PTPRG: variants seen among roughly 807,000 people sequenced by gnomAD.
PTPRG encodes receptor-type tyrosine-protein phosphatase gamma.
In PTPRG, 102 loss-of-function variants were observed where a neutral mutation model predicts 165.3. The ratio of observed to expected loss-of-function variants is 0.62; its 90% confidence interval spans 0.53 to 0.73. The LOEUF is 0.73. PTPRG is among the 30% of genes least tolerant of loss of function. PTPRG has a pLI of 0.00. For synonymous variants in PTPRG, 675 were observed against 669.5 expected (o/e 1.01, Z -0.13); for missense variants, 1,866 against 1,861.4 (o/e 1.00, Z -0.05).
intron 8 of PTPRG, among the ~76,000 whole-genome samples, chr3:62,174,913 C>T (rs1055713168): frequency 2.0e-5 from 3 of 152,094 alleles, no homozygotes; most frequent in African/African-American, 4.8e-5. Context: ...TCATGCAGCC[C>T]CCATGGAGAG....
chr3:61,720,876 T>C (rs1056881880), intron 1 of PTPRG, among the ~76,000 whole-genome samples: 35 of 152,364 alleles, frequency 2.3e-4, no homozygotes, highest in Non-Finnish European at 4.0e-4. Context: ...CATTATAACT[T>C]AGACGATTAG....
At chr3:62,077,092 C>G (rs1181328996) in intron 4 of PTPRG, among the ~76,000 whole-genome samples, 1 of 151,946 alleles carries the variant, frequency 6.6e-6, no homozygotes, top group East Asian at 1.9e-4. Context: ...AAGGCAAAAC[C>G]CTGTCCTTAC....
intron 1 of PTPRG, among the ~76,000 whole-genome samples, chr3:61,593,280 T>C (rs537195522): frequency 6.6e-6 from 1 of 152,180 alleles, no homozygotes; most frequent in South Asian, 2.1e-4. Flanking sequence ...TTTGAAACCC[T>C]AAAGCAGTGT....
chr3:62,199,269 A>G (rs1700040633), intron 10 of PTPRG, among the ~76,000 whole-genome samples: 2 of 151,596 alleles, frequency 1.3e-5, no homozygotes, highest in South Asian at 4.2e-4. Context: ...TTGCTACCTT[A>G]TTTGACCTGG....
At chr3:61,716,968 T>C (rs1350624172) in intron 1 of PTPRG, among the ~76,000 whole-genome samples, 1 of 152,174 alleles carries the variant, frequency 6.6e-6, no homozygotes, top group East Asian at 1.9e-4. Flanking sequence ...TGAGACTCCA[T>C]GTCAACAAAA....
chr3:61,951,452 A>G (rs899219714), intron 2 of PTPRG, among the ~76,000 whole-genome samples: 11 of 152,166 alleles, frequency 7.2e-5, no homozygotes, highest in African/African-American at 2.7e-4. Flanking sequence ...CTTTGACTCA[A>G]TATTGTAGAT....
intron 3 of PTPRG, among the ~76,000 whole-genome samples, chr3:61,996,321 A>G (rs1032234162): frequency 6.6e-6 from 1 of 152,122 alleles, no homozygotes; most frequent in Non-Finnish European, 1.5e-5. Context: ...TTTATTTTTA[A>G]TTATAACGCT....
At chr3:62,288,629 C>T (rs1160825842) in intron 28 of PTPRG, among the ~76,000 whole-genome samples, 2 of 150,182 alleles carry the variant, frequency 1.3e-5, no homozygotes, top group African/African-American at 2.5e-5. Context: ...ACCAAGATTG[C>T]ACCATTGCAC....
At chr3:61,936,714 G>C (rs1370171047) in intron 2 of PTPRG, among the ~76,000 whole-genome samples, 1 of 152,160 alleles carries the variant, frequency 6.6e-6, no homozygotes, top group Non-Finnish European at 1.5e-5. Flanking sequence ...CACTGTGAGG[G>C]CTTTAGGTTA....
At chr3:61,890,088 G>C (rs1053821298) in intron 2 of PTPRG, among the ~76,000 whole-genome samples, 4 of 152,182 alleles carry the variant, frequency 2.6e-5, no homozygotes, top group Non-Finnish European at 5.9e-5. Context: ...CTTTTCTGCA[G>C]AGTATATGAG....
At chr3:62,092,439 G>GAAAAAAAAAAAAAA (rs55955359) in intron 5 of PTPRG, among the ~76,000 whole-genome samples, 16 of 89,432 alleles carry the variant, frequency 1.8e-4, no homozygotes, top group Non-Finnish European at 2.3e-4. Context: ...GAGTCCATCT[G>GAAAAAAAAAAAAAA]AAAAAAAAAA....
chr3:61,953,167 C>T (rs1488856542), intron 2 of PTPRG, among the ~76,000 whole-genome samples: 1 of 152,138 alleles, frequency 6.6e-6, no homozygotes, highest in Non-Finnish European at 1.5e-5. Flanking sequence ...CCTGCTTCAC[C>T]TGGTTGAATT....
intron 3 of PTPRG, among the ~76,000 whole-genome samples, chr3:62,001,672 A>G (rs976817671): frequency 2.0e-5 from 3 of 152,046 alleles, no homozygotes; most frequent in Admixed American, 6.6e-5. Context: ...GGGTCACACA[A>G]TGATAAGTTT....
intron 1 of PTPRG, among the ~76,000 whole-genome samples, chr3:61,703,505 C>G (rs1244022774): frequency 6.6e-6 from 1 of 152,176 alleles, no homozygotes; most frequent in Non-Finnish European, 1.5e-5. Flanking sequence ...AATGGTATTT[C>G]TAAGGCATTC....
At chr3:62,204,474 T>C (rs1422983569) in intron 12 of PTPRG, among the ~76,000 whole-genome samples, 1 of 151,956 alleles carries the variant, frequency 6.6e-6, no homozygotes, top group Non-Finnish European at 1.5e-5. Context: ...GCAAGCTAGA[T>C]GGTGGTTAGT....
intron 2 of PTPRG, among the ~76,000 whole-genome samples, chr3:61,759,779 TAAA>T (rs1176308228): frequency 6.6e-6 from 1 of 152,036 alleles, no homozygotes; most frequent in Non-Finnish European, 1.5e-5. Context: ...TTTCACATAA[TAAA>T]GTCATTTCTT....
intron 1 of PTPRG, among the ~76,000 whole-genome samples, chr3:61,566,677 T>C (rs1013575046): frequency 6.6e-6 from 1 of 152,186 alleles, no homozygotes; most frequent in Non-Finnish European, 1.5e-5. Context: ...CTAGCTAATT[T>C]TTGTAATTTT....
chr3:61,814,162 A>G (rs1015678443), intron 2 of PTPRG, among the ~76,000 whole-genome samples: 2 of 152,184 alleles, frequency 1.3e-5, no homozygotes, highest in African/African-American at 4.8e-5. Context: ...CAGCCTCCCA[A>G]AGTGCTGGGA....
chr3:61,638,590 A>ATTTTT (rs1701980685), intron 1 of PTPRG, among the ~76,000 whole-genome samples: 3 of 49,422 alleles, frequency 6.1e-5, no homozygotes, highest in Non-Finnish European at 1.4e-4. Flanking sequence ...ATGCCTGGCT[A>ATTTTT]GTTTTTTTTT....
Sources: allele counts gnomAD v4.1 joint callset (sites outside exome capture counted in the v4.1 genomes callset), GRCh38; gene constraint gnomAD v4.1.1; transcripts MANE v1.5; gene names NCBI Gene and HGNC (gene_info 2026-07-23, HGNC 2026-07-21).